The following SLC16A7 variants were observed in gnomAD, a reference collection of about 807,000 sequenced individuals.
The protein encoded by SLC16A7 is solute carrier family 16 member 7.
Under a neutral mutation model 34.9 loss-of-function variants are expected in SLC16A7, and 33 were observed. The observed-to-expected ratio is 0.94, with a 90% CI of 0.72 to 1.26. SLC16A7 has a LOEUF of 1.26. Among genes scored for constraint, SLC16A7 ranks in the 50% most tolerant of loss-of-function variants. The pLI is 0.00. For synonymous variants in SLC16A7, 201 were observed against 206.6 expected (o/e 0.97, Z 0.23); for missense variants, 573 against 578.1 (o/e 0.99, Z 0.09).
intron 1 of SLC16A7, among the ~76,000 whole-genome samples, chr12:59,627,910 T>A (rs1880000596): frequency 6.7e-6 from 1 of 150,212 alleles, no homozygotes; most frequent in Non-Finnish European, 1.5e-5. Context: ...ATATATATAT[T>A]TTATTCAGTG....
chr12:59,710,403 T>A (rs937869121), intron 3 of SLC16A7, among the ~76,000 whole-genome samples: 1 of 152,206 alleles, frequency 6.6e-6, no homozygotes, highest in Non-Finnish European at 1.5e-5. Flanking sequence ...GAGCTTTCTA[T>A]GATGAAATCT....
intron 3 of SLC16A7, among the ~76,000 whole-genome samples, chr12:59,725,325 T>C (rs1467927385): frequency 3.9e-5 from 6 of 152,092 alleles, no homozygotes; most frequent in Non-Finnish European, 8.8e-5. Context: ...ACTGCTTTAC[T>C]TTACAGATTA....
At chr12:59,671,773 GTA>G (rs775029758) in intron 2 of SLC16A7, among the ~76,000 whole-genome samples, 18 of 138,070 alleles carry the variant, frequency 1.3e-4, no homozygotes, top group South Asian at 2.2e-4. Flanking sequence ...GTATATATGT[GTA>G]TATATATGTG....
intron 1 of SLC16A7, among the ~76,000 whole-genome samples, chr12:59,607,525 T>G (rs1879000785): frequency 2.0e-5 from 3 of 152,182 alleles, no homozygotes; most frequent in African/African-American, 7.2e-5. Flanking sequence ...CAGTAATCTG[T>G]GAGGCTAAAA....
chr12:59,633,012 C>G (rs1418185280), intron 1 of SLC16A7, among the ~76,000 whole-genome samples: 30 of 151,878 alleles, frequency 2.0e-4, no homozygotes, highest in Admixed American at 1.9e-3. Flanking sequence ...ATAATATACC[C>G]GACTTCCAGG....
At position 59,598,766 on chromosome 12, in the gene SLC16A7, G is replaced by T. The variant is rs147115462; in HGVS notation, c.-130+2530G>T. ...AATTGATTTCCATTATTTGAGAGAAGAGTTTGAGTTGCAGTTTCTACTACA... is the reference window on the plus strand; with the variant it reads ...AATTGATTTCCATTATTTGAGAGAATAGTTTGAGTTGCAGTTTCTACTACA... On this transcript the variant is annotated intron_variant, in intron 1 of 5. Coordinates refer to ENST00000547379, the MANE Select transcript of SLC16A7 (RefSeq NM_001270623.2). Among the ~76,000 whole-genome samples the T allele has an allele frequency of 1.7e-3, 257 of 152,280 alleles. 1 individual carries two copies. Among genetic ancestry groups the T allele is most frequent in the African/African-American group, 6.0e-3 (251 of 41,556 alleles).
At chr12:59,700,975 C>A (rs776588180) in intron 2 of SLC16A7, among the ~76,000 whole-genome samples, 9 of 151,390 alleles carry the variant, frequency 5.9e-5, no homozygotes, top group African/African-American at 2.2e-4. Flanking sequence ...CAATTTTTTT[C>A]GACGCTCAAG....
chr12:59,724,511 TTGCAAAG>T (rs1169365581), intron 3 of SLC16A7, among the ~76,000 whole-genome samples: 3 of 151,978 alleles, frequency 2.0e-5, no homozygotes, highest in African/African-American at 2.4e-5. Context: ...TAAATACATG[TTGCAAAG>T]TGCAAAGTGC....
At chr12:59,720,664 A>C (rs1464678617) in intron 3 of SLC16A7, among the ~76,000 whole-genome samples, 1 of 151,834 alleles carries the variant, frequency 6.6e-6, no homozygotes, top group Non-Finnish European at 1.5e-5. Context: ...AAGCTCCCCA[A>C]CTCCCATGTT....
intron 3 of SLC16A7, among the ~76,000 whole-genome samples, chr12:59,759,304 T>C (rs1880757376): frequency 6.6e-6 from 1 of 151,992 alleles, no homozygotes; most frequent in Admixed American, 6.6e-5. Flanking sequence ...GTTCTTTATA[T>C]ACCATTGGAA....
rs111333658 is a variant in SLC16A7, at chr12:59,726,768, C to T, written c.217+21750C>T. The stretch of plus-strand genomic sequence containing the variant: ...TTTTCCTTACCTTCCTGTCCTGAGA[C>T]GTTGCAACCTCAACTAAGCCCCTCC... On this transcript the variant is annotated intron_variant, in intron 3 of 5. Transcript: ENST00000547379. 1.5e-3 allele frequency among the ~76,000 whole-genome samples: 227 copies of T among 152,118 alleles called. 2 individuals carry two copies. The highest frequency in any genetic ancestry group is 5.1e-3 in the African/African-American group (210 of 41,486).
intron 1 of SLC16A7, among the ~76,000 whole-genome samples, chr12:59,631,034 A>G (rs1880158737): frequency 6.6e-6 from 1 of 151,938 alleles, no homozygotes; most frequent in African/African-American, 2.4e-5. Context: ...TAAAATTCAA[A>G]ATTAGAAATG....
chr12:59,756,029 G>A (rs924426495), intron 3 of SLC16A7, among the ~76,000 whole-genome samples: 109 of 152,252 alleles, frequency 7.2e-4, no homozygotes, highest in Admixed American at 4.3e-3. Context: ...TTTAATAAAC[G>A]GTGCTGGGAA....
At chr12:59,662,999 A>G (rs1868939546) in intron 2 of SLC16A7, among the ~76,000 whole-genome samples, 1 of 152,098 alleles carries the variant, frequency 6.6e-6, no homozygotes, top group African/African-American at 2.4e-5. Context: ...GAACATGCAC[A>G]CTAGACGTAA....
intron 2 of SLC16A7, among the ~76,000 whole-genome samples, chr12:59,676,467 C>G (rs562819205): frequency 1.3e-5 from 2 of 152,014 alleles, no homozygotes; most frequent in Non-Finnish European, 2.9e-5. Context: ...AACTATTACT[C>G]ACATAAAATC....
At chr12:59,623,131 T>C (rs1315246392) in intron 1 of SLC16A7, among the ~76,000 whole-genome samples, 1 of 151,232 alleles carries the variant, frequency 6.6e-6, no homozygotes, top group Non-Finnish European at 1.5e-5. Flanking sequence ...GACTTTTTAT[T>C]CTGTTCCTTG....
rs888745083 is a variant in SLC16A7, at chr12:59,777,067, C to T, written c.1180+1592C>T. On this transcript the variant is annotated intron_variant, in intron 5 of 5. Transcript: ENST00000547379. ...AGTCCAAATACATAGTGGGGATAGA[C>T]TCTAAGAATTAAAATAAAGGAATCT... Among the ~76,000 whole-genome samples the T allele has an allele frequency of 4.6e-5, 7 of 152,148 alleles. No homozygotes were observed. The South Asian group carries it at 1.0e-3, about 23-fold the overall frequency.
chr12:59,664,621 A>C (rs1409530028), intron 2 of SLC16A7: 1 of 152,206 alleles, frequency 6.6e-6, no homozygotes, highest in African/African-American at 2.4e-5. Context: ...ATGTGGCTAC[A>C]TCAACACAAC....
At chr12:59,653,723 C>T (rs1416895170) in intron 1 of SLC16A7, among the ~76,000 whole-genome samples, 3 of 151,554 alleles carry the variant, frequency 2.0e-5, no homozygotes, top group Non-Finnish European at 4.4e-5. Flanking sequence ...TTGGAATTTA[C>T]AAAGTAAACA....
Sources: allele counts gnomAD v4.1 joint callset (sites outside exome capture counted in the v4.1 genomes callset), GRCh38; gene constraint gnomAD v4.1.1; transcripts MANE v1.5; gene names NCBI Gene and HGNC (gene_info 2026-07-23, HGNC 2026-07-21).